The following SFI1 variants were observed in gnomAD, a reference collection of about 807,000 sequenced individuals.
SFI1 encodes the protein protein SFI1 homolog.
SFI1 carries 195 observed loss-of-function variants against 207.5 expected under a neutral mutation model. The observed-to-expected ratio is 0.94, with a 90% CI of 0.84 to 1.06. SFI1 has a LOEUF of 1.06. Among genes scored for constraint, SFI1 ranks in the 50% least tolerant of loss-of-function variants. The pLI is 0.00. For synonymous variants in SFI1, 630 were observed against 598.9 expected (o/e 1.05, Z -0.76); for missense variants, 1,634 against 1,588.0 (o/e 1.03, Z -0.49).
At position 31,580,307 on chromosome 22, in the gene SFI1, C is replaced by G. The variant is rs2063960666; in HGVS notation, c.1191C>G (p.Thr397=). Residue 397 remains threonine (T), a synonymous_variant, in exon 12 of 33, where the codon ACC becomes ACG. Transcript: ENST00000400288. ...TTAGAGCCCTAAAAGACAATGTGAC[C>G]CACGCTCATCTCCAGCAAATAAGAA... ...FCFRALKDNV[T]HAHLQQIRRN... is the part of the protein sequence containing the mutation. 5 of 1,613,810 alleles carry G rather than the reference C, an allele frequency of 3.1e-6. No homozygotes were observed. Among genetic ancestry groups the G allele is most frequent in the Non-Finnish European group, 4.2e-6 (5 of 1,179,934 alleles).
chr22:31,594,704 A>G lies in SFI1; in HGVS notation c.1544+5127A>G, dbSNP rs549417984. 6.6e-5 allele frequency among the ~76,000 whole-genome samples: 10 copies of G among 150,808 alleles called. No homozygotes were observed. The South Asian group carries it at 2.1e-3, about 32-fold the overall frequency. ...CCCTGTCTCTGCTAAAAATACAAAA[A>G]ATTAGCCGGGCGTGGTGGTGGGCGA... On this transcript the variant is annotated intron_variant, in intron 15 of 32. Transcript: ENST00000400288.
chr22:31,550,196 C>G, intron 5 of SFI1, 58 bp from the exon 6 acceptor site: 4 of 1,406,504 alleles, frequency 2.8e-6, no homozygotes, highest in Non-Finnish European at 4.0e-6. Context: ...CAGGTGTGAG[C>G]CACCGCGCCC....
intron 4 of SFI1, among the ~76,000 whole-genome samples, chr22:31,546,477 C>T (rs1267616244): frequency 6.6e-6 from 1 of 151,948 alleles, no homozygotes; most frequent in Non-Finnish European, 1.5e-5. Flanking sequence ...ACTACAGGTG[C>T]GTGCCACCAT....
intron 7 of SFI1, among the ~76,000 whole-genome samples, chr22:31,558,640 G>A (rs1002524599): frequency 2.0e-5 from 3 of 151,826 alleles, no homozygotes; most frequent in Admixed American, 6.6e-5. Context: ...ACCATGCCCA[G>A]CTAATTTTTT....
In SFI1 at chr22:31,500,004, C is replaced by A. The variant is rs1209349211; in HGVS notation, c.-31+3367C>A. Among the ~76,000 whole-genome samples the A allele has an allele frequency of 6.1e-4, 62 of 102,108 alleles. 1 individual carries two copies. The highest frequency in any genetic ancestry group is 8.4e-4 in the Non-Finnish European group (41 of 48,906). The allele number at this position is 102,108 out of a possible 152,430, so 67.0% of individuals were successfully genotyped here. ...CATCTTAAAAAAAAAAAAAAAAAAA[C>A]ATTGAAAATGCCACAGTTGCCGGAT... On this transcript the variant is annotated intron_variant, in intron 1 of 32. Transcript: ENST00000400288.
In SFI1 at chr22:31,603,793, C is replaced by T. The variant is rs1385630117; in HGVS notation, c.1855C>T (p.Arg619Cys). 9.6e-6 allele frequency: 15 copies of T among 1,559,092 alleles called. No homozygotes were observed. Among genetic ancestry groups the T allele is most frequent in the East Asian group, 4.9e-5 (2 of 41,172 alleles). Residue 619 changes from arginine to cysteine, a missense_variant, in exon 18 of 33, where the codon CGT becomes TGT. Coordinates refer to ENST00000400288, the MANE Select transcript of SFI1 (RefSeq NM_001007467.3). ...AAEFHMAQLLRWAWSQWRECL... is the reference protein window; with the variant it reads ...AAEFHMAQLLCWAWSQWRECL... The stretch of plus-strand genomic sequence containing the variant: ...AGAATTCCACATGGCCCAGCTCCTG[C>T]GTTGGGCCTGGAGCCAGTGGAGGGA...
In SFI1 at chr22:31,573,214, GGT is replaced by G. The variant is rs749574138; in HGVS notation, c.922+2_922+3del. ...CCGCAGAGTGAAGAGACAGCAGAAT[GGT>G]GAGTAGGAAGCTCCAGGCTCTCGAG... On this transcript the variant is annotated splice_donor_variant, in intron 9 of 32. Transcript: ENST00000400288. LOFTEE classifies it high-confidence loss of function. The G allele has an allele frequency of 6.2e-7, 1 of 1,613,574 alleles. No individual in the cohort carries two copies. Among genetic ancestry groups the G allele is most frequent in the African/African-American group, 1.3e-5 (1 of 74,902 alleles).
At position 31,528,753 on chromosome 22, in the gene SFI1, T is replaced by G. The variant is rs1450095167; in HGVS notation, c.156T>G (p.Ser52=). Residue 52 remains serine (S), a synonymous_variant, in exon 3 of 33, where the codon TCT becomes TCG. Coordinates refer to ENST00000400288, the MANE Select transcript of SFI1 (RefSeq NM_001007467.3). ...YSAKTLSNKK[S]SASFGIRREL... is the part of the protein sequence containing the mutation. Reference sequence around the variant, plus strand: ...CAAAGACACTGTCCAACAAGAAGTCTTCTGCATCCTTTGGGATCCGGAGGG... The same window carrying G: ...CAAAGACACTGTCCAACAAGAAGTCGTCTGCATCCTTTGGGATCCGGAGGG... 6.2e-7 allele frequency: 1 copy of G among 1,614,230 alleles called. No homozygotes were observed.
chr22:31,558,758 T>G (rs1159735283), intron 7 of SFI1, among the ~76,000 whole-genome samples: 1 of 152,132 alleles, frequency 6.6e-6, no homozygotes, highest in Non-Finnish European at 1.5e-5. Context: ...ATTCCAGGCA[T>G]GAGCCACCGC....
intron 7 of SFI1, 142 bp downstream of exon 7, chr22:31,557,201 T>C: frequency 1.7e-6 from 1 of 597,370 alleles, no homozygotes; most frequent in Non-Finnish European, 2.9e-6. Flanking sequence ...TTTTTCGAGA[T>C]AGGGTCTTAC....
intron 14 of SFI1, 139 bp from the exon 15 acceptor site, chr22:31,589,308 C>A: frequency 1.1e-6 from 1 of 925,674 alleles, no homozygotes; most frequent in Non-Finnish European, 1.5e-6. Flanking sequence ...AGCATATTGG[C>A]AAAGATAATA....
chr22:31,607,979 TA>T lies in SFI1; in HGVS notation c.2201del (p.Tyr734SerfsTer167). The T allele has an allele frequency of 6.2e-7, 1 of 1,613,944 alleles. No individual in the cohort carries two copies. The highest frequency in any genetic ancestry group is 8.5e-7 in the Non-Finnish European group (1 of 1,179,900). On this transcript the variant is annotated frameshift_variant, in exon 22 of 33. Transcript: ENST00000400288. LOFTEE classifies it high-confidence loss of function. ...WREAVSVQMY[Y>X]RQQEDCAIWE... ...GGAAGCTGTGTCAGTGCAGATGTAT[TA>T]CCGACAGCAGGAGGACTGTGCCATC...
At position 31,614,782 on chromosome 22, in the gene SFI1, T is replaced by G; in HGVS notation, c.2997-7T>G. 2 of 1,613,774 alleles carry G rather than the reference T, an allele frequency of 1.2e-6. No homozygotes were observed. The highest frequency in any genetic ancestry group is 8.5e-7 in the Non-Finnish European group (1 of 1,180,014). ...CCCAGGGGAACAGACCCCATGTTTC[T>G]TTCCAGCAACACTGCCCACTCAGCG... is the stretch of plus-strand genomic sequence containing the variant. On this transcript the variant is annotated splice_region_variant and splice_polypyrimidine_tract_variant and intron_variant, in intron 27 of 32. Coordinates refer to ENST00000400288, the MANE Select transcript of SFI1 (RefSeq NM_001007467.3).
At chr22:31,543,833 A>G (rs554294787) in intron 4 of SFI1, among the ~76,000 whole-genome samples, 1 of 151,622 alleles carries the variant, frequency 6.6e-6, no homozygotes, top group Admixed American at 6.6e-5. Flanking sequence ...AAAGAAAAAA[A>G]ACTATGAGTG....
chr22:31,557,347 G>GTT (rs554292941), intron 7 of SFI1, among the ~76,000 whole-genome samples: 10 of 139,612 alleles, frequency 7.2e-5, no homozygotes, highest in Admixed American at 1.4e-4. Context: ...CCCAGCTAAT[G>GTT]TTTTTTTTTT....
intron 15 of SFI1, among the ~76,000 whole-genome samples, chr22:31,596,823 G>A (rs1369211438): frequency 6.7e-6 from 1 of 148,892 alleles, no homozygotes; most frequent in Non-Finnish European, 1.5e-5. Flanking sequence ...CTGAAAACAC[G>A]CACACACAGT....
Position 31,616,983 on chromosome 22 carries a change from T to A in SFI1, c.3434-17T>A. On this transcript the variant is annotated splice_polypyrimidine_tract_variant and intron_variant, in intron 30 of 32. Coordinates refer to ENST00000400288, the MANE Select transcript of SFI1 (RefSeq NM_001007467.3). ...AGGGGAAAATAGTCTGAAACAAGCT[T>A]ACTTCTGTCGCCATAGGCAGCCTGG... The A allele has an allele frequency of 6.2e-7, 1 of 1,614,002 alleles. No individual in the cohort carries two copies. Among genetic ancestry groups the A allele is most frequent in the East Asian group, 2.2e-5 (1 of 44,872 alleles).
In SFI1 at chr22:31,586,776, C is replaced by T. The variant is rs77423825; in HGVS notation, c.1413+1642C>T. ...ATTTCCTTCCTGGAAAACGAGCACT[C>T]CCCTTGACACAGGGGCCCAACACTG... On this transcript the variant is annotated intron_variant, in intron 14 of 32. Transcript: ENST00000400288. Among the ~76,000 whole-genome samples, 499 of 152,286 alleles carry T rather than the reference C, an allele frequency of 3.3e-3. 3 individuals are homozygous for T. The highest frequency in any genetic ancestry group is 0.012 in the African/African-American group (480 of 41,552).
chr22:31,546,483 A>C (rs1358934318), intron 4 of SFI1, among the ~76,000 whole-genome samples: 1 of 152,074 alleles, frequency 6.6e-6, no homozygotes, highest in Non-Finnish European at 1.5e-5. Context: ...GGTGCGTGCC[A>C]CCATGCCCAG....
Sources: allele counts gnomAD v4.1 joint callset (sites outside exome capture counted in the v4.1 genomes callset), GRCh38; gene constraint gnomAD v4.1.1; transcripts MANE v1.5; gene names NCBI Gene and HGNC (gene_info 2026-07-23, HGNC 2026-07-21).